The following DIAPH3 variants were observed in gnomAD, a reference collection of about 807,000 sequenced individuals.
DIAPH3 encodes the protein protein diaphanous homolog 3.
DIAPH3 carries 117 observed loss-of-function variants against 144.3 expected under a neutral mutation model. The ratio of observed to expected loss-of-function variants is 0.81; its 90% confidence interval spans 0.70 to 0.95. The LOEUF (loss-of-function observed/expected upper bound fraction) is 0.95, where lower values mean the gene tolerates loss of function less well. Among genes scored for constraint, DIAPH3 ranks in the 40% least tolerant of loss-of-function variants. The probability of loss-of-function intolerance (pLI) is 0.00; values close to 1 mark genes in which losing one functional copy is unlikely to be tolerated. For missense variants in DIAPH3, 1,421 were observed against 1,412.7 expected (o/e 1.01, Z -0.09); for synonymous variants, 519 against 488.9 (o/e 1.06, Z -0.81).
intron 27 of DIAPH3, among the ~76,000 whole-genome samples, chr13:59,737,054 A>T (rs1222162440): frequency 6.6e-6 from 1 of 152,220 alleles, no homozygotes; most frequent in Non-Finnish European, 1.5e-5. Flanking sequence ...AAACCCTGGA[A>T]GACAACCTAG....
At chr13:60,026,051 T>C (rs1360563650) in intron 5 of DIAPH3, among the ~76,000 whole-genome samples, 1 of 152,122 alleles carries the variant, frequency 6.6e-6, no homozygotes, top group Admixed American at 6.5e-5. Flanking sequence ...AATGTTTTTG[T>C]TCACATATAA....
At chr13:60,020,315 T>C (rs539534906) in intron 5 of DIAPH3, among the ~76,000 whole-genome samples, 1 of 152,162 alleles carries the variant, frequency 6.6e-6, no homozygotes, top group Admixed American at 6.5e-5. Context: ...GTCTCAACCT[T>C]CAAGCTAGAA....
chr13:60,003,967 A>T (rs2052695846), intron 9 of DIAPH3, among the ~76,000 whole-genome samples: 2 of 152,182 alleles, frequency 1.3e-5, no homozygotes, highest in South Asian at 4.1e-4. Context: ...AAATGGGGGA[A>T]GTGTGCACAA....
intron 4 of DIAPH3, among the ~76,000 whole-genome samples, chr13:60,070,857 C>G (rs1223235988): frequency 6.6e-6 from 1 of 152,104 alleles, no homozygotes; most frequent in African/African-American, 2.4e-5. Context: ...CATGTTTATA[C>G]AAAGAACATA....
At chr13:60,029,893 C>T (rs1398897608) in intron 5 of DIAPH3, among the ~76,000 whole-genome samples, 1 of 152,088 alleles carries the variant, frequency 6.6e-6, no homozygotes, top group Non-Finnish European at 1.5e-5. Context: ...AACCCTACCA[C>T]GAGCTTTATG....
chr13:59,910,211 A>G (rs2046924677), intron 20 of DIAPH3, among the ~76,000 whole-genome samples: 1 of 152,124 alleles, frequency 6.6e-6, no homozygotes, highest in African/African-American at 2.4e-5. Context: ...TGTGGTTAAA[A>G]ATGTAATGCA....
In DIAPH3 at chr13:60,016,082, A is replaced by T. The variant is rs977471413; in HGVS notation, c.690T>A (p.Ile230=). 1.2e-6 allele frequency: 2 copies of T among 1,613,524 alleles called. No individual in the cohort carries two copies. The highest frequency in any genetic ancestry group is 2.2e-5 in the East Asian group (1 of 44,770). ...GLLLDILEKL[I]SGKIQEKVVK... is the part of the protein sequence containing the mutation. The stretch of plus-strand genomic sequence containing the variant: ...TTAGCAATACTTACATTTTTCCACT[A>T]ATCAGTTTTTCCAAAATGTCTAATA... The change falls in exon 6 of 28, where the codon ATT becomes ATA. Residue 230 remains isoleucine, a synonymous_variant. Coordinates refer to ENST00000400324, the MANE Select transcript of DIAPH3 (RefSeq NM_001042517.2).
At chr13:60,148,794 A>C (rs1220013526) in intron 1 of DIAPH3, among the ~76,000 whole-genome samples, 1 of 152,152 alleles carries the variant, frequency 6.6e-6, no homozygotes, top group Admixed American at 6.5e-5. Context: ...CCCTGACTCA[A>C]AAAAAAGCCC....
At chr13:59,905,387 C>T (rs1423154056) in intron 20 of DIAPH3, among the ~76,000 whole-genome samples, 1 of 147,386 alleles carries the variant, frequency 6.8e-6, no homozygotes, top group Admixed American at 6.9e-5. Context: ...GTTCACATGC[C>T]TTCTGGAAGG....
rs913870782 is a variant in DIAPH3 at position 59,797,180 on chromosome 13, C to G, written c.3163+13608G>C. 2.4e-4 allele frequency among the ~76,000 whole-genome samples: 36 copies of G among 152,132 alleles called. 1 individual carries two copies. Among genetic ancestry groups the G allele is most frequent in the Admixed American group, 2.4e-3 (36 of 15,270 alleles). ...ACTCCTTCCCACACTTTCTATCCCC[C>G]CATCCCTACTTTATTTTGTTCTCCT... On this transcript the variant is annotated intron_variant, in intron 25 of 27. Coordinates refer to ENST00000400324, the MANE Select transcript of DIAPH3 (RefSeq NM_001042517.2).
At chr13:60,156,151 C>T (rs1411109683) in intron 1 of DIAPH3, among the ~76,000 whole-genome samples, 3 of 152,320 alleles carry the variant, frequency 2.0e-5, no homozygotes, top group African/African-American at 7.2e-5. Flanking sequence ...TTGACTCTTC[C>T]AGCTTCAGAT....
intron 4 of DIAPH3, among the ~76,000 whole-genome samples, chr13:60,074,634 G>A (rs1242607083): frequency 6.6e-6 from 1 of 152,162 alleles, no homozygotes; most frequent in Non-Finnish European, 1.5e-5. Context: ...GATAATCACT[G>A]CAAATGCTTT....
chr13:59,770,380 C>T (rs1056501751), intron 27 of DIAPH3, among the ~76,000 whole-genome samples: 2 of 152,134 alleles, frequency 1.3e-5, no homozygotes, highest in Admixed American at 6.6e-5. Flanking sequence ...ATTGGGGTTA[C>T]AGCAGTCAAC....
chr13:60,015,718 A>G (rs1190993372), intron 7 of DIAPH3, among the ~76,000 whole-genome samples, 195 bp downstream of exon 7: 1 of 152,180 alleles, frequency 6.6e-6, no homozygotes, highest in Non-Finnish European at 1.5e-5. Context: ...TGAGGAGTTC[A>G]GCACCAGAAG....
At chr13:59,911,501 A>G (rs1382914288) in intron 20 of DIAPH3, among the ~76,000 whole-genome samples, 1 of 152,192 alleles carries the variant, frequency 6.6e-6, no homozygotes, top group East Asian at 1.9e-4. Flanking sequence ...AGAGCAAAAA[A>G]ATTATACATA....
chr13:59,903,071 C>T (rs1258393801), intron 20 of DIAPH3, among the ~76,000 whole-genome samples: 4 of 152,068 alleles, frequency 2.6e-5, no homozygotes, highest in Admixed American at 2.6e-4. Flanking sequence ...CAACTTCAGA[C>T]TGACACAACT....
chr13:60,106,652 T>C (rs1335877262), intron 3 of DIAPH3, among the ~76,000 whole-genome samples: 2 of 152,058 alleles, frequency 1.3e-5, no homozygotes, highest in Non-Finnish European at 2.9e-5. Context: ...ATTCTGGCTA[T>C]ATGGGAAATT....
At chr13:60,101,362 C>T (rs946745493) in intron 3 of DIAPH3, among the ~76,000 whole-genome samples, 1 of 152,124 alleles carries the variant, frequency 6.6e-6, no homozygotes, top group Non-Finnish European at 1.5e-5. Flanking sequence ...CTTCCACTGC[C>T]ATCAACTTGG....
chr13:59,879,388 G>C lies in DIAPH3; in HGVS notation c.2448C>G (p.Ile816Met), dbSNP rs1388291402. ...TACTGACAGCCATGATGTCAGGTTT[G>C]ATGTTGTTCACCTGCTCTTCAAACT... ...KLQFEEQVNN[I>M]KPDIMAVSTA... Residue 816 changes from isoleucine to methionine, a missense_variant, in exon 21 of 28, where the codon ATC becomes ATG. Ile to Met is a conservative substitution (Grantham distance 10). Transcript: ENST00000400324. 11 of 1,613,732 alleles carry C rather than the reference G, an allele frequency of 6.8e-6. No individual in the cohort carries two copies. Among genetic ancestry groups the C allele is most frequent in the Non-Finnish European group, 9.3e-6 (11 of 1,179,850 alleles).
Sources: gnomAD v4.1 joint callset for allele counts (sites outside exome capture counted in the v4.1 genomes callset) on GRCh38, gnomAD v4.1.1 for gene constraint, MANE v1.5 for transcripts, NCBI Gene and HGNC (gene_info 2026-07-23, HGNC 2026-07-21) for gene names.